Variants in MAF observed in about 807,000 individuals in gnomAD.
MAF encodes MAF bZIP transcription factor.
Under a neutral mutation model 22.0 loss-of-function variants are expected in MAF, and 10 were observed. That is an observed-to-expected ratio of 0.45 (90% confidence interval 0.28 to 0.77). MAF has a LOEUF of 0.77. MAF is among the 30% of genes least tolerant of loss of function. The pLI is 0.12. For synonymous variants in MAF, 337 were observed against 255.8 expected (o/e 1.32, Z -3.03); for missense variants, 544 against 548.4 (o/e 0.99, Z 0.08).
chr16:79,465,554 C>T, the MAF span, among the ~76,000 whole-genome samples: 1 of 152,092 alleles, frequency 6.6e-6, no homozygotes, highest in Admixed American at 6.6e-5. Flanking sequence ...ATCCCGTGAT[C>T]GCACCACCAC....
chr16:79,409,092 G>A, the MAF span, among the ~76,000 whole-genome samples: 1 of 151,940 alleles, frequency 6.6e-6, no homozygotes, highest in Non-Finnish European at 1.5e-5. Context: ...GTAGCAGGAC[G>A]GCATTGGAAG....
chr16:79,413,008 C>G, the MAF span, among the ~76,000 whole-genome samples: 1 of 152,256 alleles, frequency 6.6e-6, no homozygotes, highest in African/African-American at 2.4e-5. Flanking sequence ...ACACAAGTGA[C>G]AAACTTGGAT....
chr16:79,392,526 C>A, the MAF span, among the ~76,000 whole-genome samples: 132 of 151,182 alleles, frequency 8.7e-4, no homozygotes, highest in African/African-American at 3.0e-3. Flanking sequence ...AGAAACAAAG[C>A]CAGTAAACAA....
At chr16:79,558,199 C>T in the MAF span, among the ~76,000 whole-genome samples, 4 of 152,104 alleles carry the variant, frequency 2.6e-5, no homozygotes, top group African/African-American at 9.7e-5. Flanking sequence ...TTGTTGGAAA[C>T]AGCCGGAAAG....
the MAF span, among the ~76,000 whole-genome samples, chr16:79,541,510 A>C: frequency 6.6e-6 from 1 of 152,104 alleles, no homozygotes; most frequent in African/African-American, 2.4e-5. Context: ...GCTGCTACAC[A>C]GGAGCTGTTC....
chr16:79,560,867 G>C, the MAF span, among the ~76,000 whole-genome samples: 1 of 152,156 alleles, frequency 6.6e-6, no homozygotes, highest in Non-Finnish European at 1.5e-5. Flanking sequence ...GCGGGAAATA[G>C]GGGGAACACA....
the MAF span, chr16:79,212,044 G>A: frequency 2.6e-6 from 4 of 1,536,332 alleles, no homozygotes; most frequent in Non-Finnish European, 3.5e-6. Context: ...TGGCCTGTTT[G>A]AAAGTAAAAA....
At chr16:79,479,247 C>G in the MAF span, among the ~76,000 whole-genome samples, 2 of 152,248 alleles carry the variant, frequency 1.3e-5, no homozygotes, top group African/African-American at 2.4e-5. Context: ...CTACCTGTGT[C>G]ATACCTTTGT....
chr16:79,540,583 G>A, the MAF span, among the ~76,000 whole-genome samples: 1 of 152,178 alleles, frequency 6.6e-6, no homozygotes. Context: ...TCATTGGCAT[G>A]GTCAACTGGC....
chr16:79,501,170 T>A, the MAF span, among the ~76,000 whole-genome samples: 1 of 152,212 alleles, frequency 6.6e-6, no homozygotes. Context: ...TCCTAGCTTC[T>A]GGTGACTGCC....
chr16:79,227,505 C>G, the MAF span, among the ~76,000 whole-genome samples: 1 of 151,984 alleles, frequency 6.6e-6, no homozygotes, highest in Non-Finnish European at 1.5e-5. Flanking sequence ...CTGCCATGGT[C>G]GAGTAACGGT....
At chr16:79,219,810 T>C in the MAF span, among the ~76,000 whole-genome samples, 1 of 152,184 alleles carries the variant, frequency 6.6e-6, no homozygotes, top group Non-Finnish European at 1.5e-5. Flanking sequence ...TTTAGGCTTC[T>C]CTAAGCTGAA....
the MAF span, among the ~76,000 whole-genome samples, chr16:79,374,667 G>A: frequency 1.6e-4 from 24 of 152,242 alleles, no homozygotes; most frequent in Non-Finnish European, 2.2e-4. Context: ...AGACAGGTGC[G>A]TAATCAAGGA....
chr16:79,423,047 A>G, the MAF span, among the ~76,000 whole-genome samples: 1 of 152,184 alleles, frequency 6.6e-6, no homozygotes, highest in Non-Finnish European at 1.5e-5. Flanking sequence ...AGAAGCAGCC[A>G]GCCAGGTAAA....
the MAF span, among the ~76,000 whole-genome samples, chr16:79,270,370 A>T: frequency 1.9e-4 from 29 of 152,114 alleles, 1 homozygote; most frequent in South Asian, 2.5e-3. Context: ...AGTCAAGGAG[A>T]TGTGGCCAAG....
chr16:79,226,366 C>G, the MAF span, among the ~76,000 whole-genome samples: 2 of 151,856 alleles, frequency 1.3e-5, no homozygotes, highest in African/African-American at 4.8e-5. Context: ...CATCACATAC[C>G]AGGGCCTGTC....
the MAF span, among the ~76,000 whole-genome samples, chr16:79,566,593 C>T: frequency 6.6e-6 from 1 of 152,234 alleles, no homozygotes; most frequent in Non-Finnish European, 1.5e-5. Flanking sequence ...TTTGGCCCTC[C>T]TGACCACGCC....
chr16:79,314,167 T>C, the MAF span, among the ~76,000 whole-genome samples: 225 of 152,282 alleles, frequency 1.5e-3, 1 homozygote, highest in African/African-American at 5.2e-3. Context: ...TTGTTATTAA[T>C]AAATCCATGG....
chr16:79,359,375 G>C, the MAF span, among the ~76,000 whole-genome samples: 2 of 152,186 alleles, frequency 1.3e-5, no homozygotes, highest in African/African-American at 2.4e-5. Context: ...ACAGCAAAAA[G>C]TTTCTCTGAT....
Sources: allele counts gnomAD v4.1 joint callset (sites outside exome capture counted in the v4.1 genomes callset), GRCh38; gene constraint gnomAD v4.1.1; transcripts MANE v1.5; gene names NCBI Gene and HGNC (gene_info 2026-07-23, HGNC 2026-07-21).